The following SBF2 variants were observed in gnomAD, a reference collection of about 807,000 sequenced individuals.
SBF2 encodes myotubularin-related protein 13.
SBF2 carries 112 observed loss-of-function variants against 225.2 expected under a neutral mutation model. The observed-to-expected ratio is 0.50, with a 90% CI of 0.43 to 0.58. The LOEUF is 0.58. Ranked by LOEUF, SBF2 falls within the 20% of genes least tolerant of loss-of-function variation. The probability of loss-of-function intolerance (pLI) is 0.00; values close to 1 mark genes in which losing one functional copy is unlikely to be tolerated. For missense variants in SBF2, 1,996 were observed against 2,206.2 expected, an observed-to-expected ratio of 0.90 and a Z score of 1.91; for synonymous variants, 763 against 773.3, an observed-to-expected ratio of 0.99 and a Z score of 0.22.
intron 1 of SBF2, among the ~76,000 whole-genome samples, chr11:10,207,980 T>G (rs566917978): frequency 2.6e-5 from 4 of 152,184 alleles, no homozygotes; most frequent in African/African-American, 9.6e-5. Flanking sequence ...ACAGAAATCA[T>G]CTAAAATATA....
At chr11:9,975,313 GAAA>G (rs1481824038) in intron 13 of SBF2, among the ~76,000 whole-genome samples, 2 of 152,166 alleles carry the variant, frequency 1.3e-5, no homozygotes, top group African/African-American at 2.4e-5. Context: ...TTACCACTCA[GAAA>G]AAGGAATAAA....
chr11:9,876,468 C>A (rs1859248863), intron 17 of SBF2, among the ~76,000 whole-genome samples: 2 of 151,980 alleles, frequency 1.3e-5, no homozygotes, highest in Admixed American at 6.6e-5. Context: ...AGGGTGAGGC[C>A]CTGATCCAAC....
chr11:10,240,008 C>T (rs936983157), intron 1 of SBF2, among the ~76,000 whole-genome samples: 1 of 152,014 alleles, frequency 6.6e-6, no homozygotes, highest in Non-Finnish European at 1.5e-5. Flanking sequence ...TGGAGGTGCC[C>T]TTTAGTAACT....
intron 2 of SBF2, among the ~76,000 whole-genome samples, chr11:10,174,993 A>C (rs1480036019): frequency 7.2e-5 from 11 of 152,032 alleles, no homozygotes; most frequent in South Asian, 2.1e-4. Flanking sequence ...GCCTGCCCTA[A>C]AAGAGCTCCT....
chr11:10,114,435 T>C (rs1290158469), intron 2 of SBF2, among the ~76,000 whole-genome samples: 1 of 152,236 alleles, frequency 6.6e-6, no homozygotes, highest in Non-Finnish European at 1.5e-5. Flanking sequence ...CTTCTCATTC[T>C]GTCTTCCATG....
At chr11:9,854,408 A>G (rs563193525) in intron 19 of SBF2, among the ~76,000 whole-genome samples, 49 of 152,232 alleles carry the variant, frequency 3.2e-4, no homozygotes, top group African/African-American at 1.2e-3. Context: ...TCAACCCATC[A>G]GACTCTGGGA....
chr11:10,060,526 T>C (rs1387123675), intron 2 of SBF2, among the ~76,000 whole-genome samples: 1 of 152,114 alleles, frequency 6.6e-6, no homozygotes, highest in African/African-American at 2.4e-5. Flanking sequence ...TCTTAACTCA[T>C]TCTAGGAGGC....
chr11:10,293,174 A>G (rs920755262), intron 1 of SBF2, among the ~76,000 whole-genome samples: 3 of 151,448 alleles, frequency 2.0e-5, no homozygotes, highest in African/African-American at 7.2e-5. Flanking sequence ...TTAGCTACAT[A>G]GTAATACAAG....
chr11:10,289,526 C>G (rs1964027387), intron 1 of SBF2, among the ~76,000 whole-genome samples: 1 of 152,116 alleles, frequency 6.6e-6, no homozygotes, highest in Non-Finnish European at 1.5e-5. Context: ...TCTACGAGCT[C>G]CCCCTCACCC....
intron 2 of SBF2, 63 bp from the exon 3 acceptor site, chr11:10,043,044 G>C: frequency 6.6e-7 from 1 of 1,519,218 alleles, no homozygotes; most frequent in South Asian, 1.2e-5. Flanking sequence ...ATTAATCTCT[G>C]AGAAATTTTA....
intron 2 of SBF2, among the ~76,000 whole-genome samples, chr11:10,135,905 C>T (rs61878652): frequency 0.1 from 15,701 of 152,094 alleles, 983 homozygotes; most frequent in Non-Finnish European, 0.12. Context: ...TTTACTGCAG[C>T]GCCCCACTCT....
intron 1 of SBF2, among the ~76,000 whole-genome samples, chr11:10,274,889 A>G (rs1325506494): frequency 6.6e-6 from 1 of 152,240 alleles, no homozygotes; most frequent in Non-Finnish European, 1.5e-5. Context: ...ATTTTTAACA[A>G]GTATGTATTA....
At chr11:9,958,653 G>C in intron 16 of SBF2, 1 of 279,282 alleles carries the variant, frequency 3.6e-6, no homozygotes, top group South Asian at 4.1e-5. Context: ...CATCCTTTCA[G>C]TTACAATTAG....
intron 16 of SBF2, among the ~76,000 whole-genome samples, chr11:9,924,902 T>C (rs887578221): frequency 1.3e-5 from 2 of 151,654 alleles, no homozygotes; most frequent in East Asian, 3.9e-4. Context: ...GTGTACACCA[T>C]CATGTCCAGC....
rs564169541 is a variant in SBF2 at position 10,230,054 on chromosome 11, T to C, written c.56-36067A>G. Among the ~76,000 whole-genome samples, 4 of 152,314 alleles carry C rather than the reference T, an allele frequency of 2.6e-5. No individual in the cohort carries two copies. In the East Asian group the frequency reaches 7.7e-4, roughly 29 times the overall value. The stretch of plus-strand genomic sequence containing the variant: ...AGCTCTTCTTGTTGAATTGATCCCT[T>C]TACCATTATGTAATGGCCTTCTTTG... On this transcript the variant is annotated intron_variant, in intron 1 of 39. Coordinates refer to ENST00000256190, the MANE Select transcript of SBF2 (RefSeq NM_030962.4).
chr11:9,796,980 C>T (rs543945875), intron 32 of SBF2, among the ~76,000 whole-genome samples: 10 of 152,186 alleles, frequency 6.6e-5, no homozygotes, highest in Admixed American at 1.3e-4. Context: ...CCTAGTCTGC[C>T]TCGCAATCTC....
upstream of SBF2, among the ~76,000 whole-genome samples, chr11:10,298,646 G>T (rs1031199615): frequency 2.0e-4 from 31 of 152,182 alleles, no homozygotes; most frequent in African/African-American, 7.5e-4. Flanking sequence ...AGGAGACTAT[G>T]CAGCTGTGGT....
At chr11:9,814,324 G>C (rs1854346861) in intron 29 of SBF2, among the ~76,000 whole-genome samples, 1 of 152,118 alleles carries the variant, frequency 6.6e-6, no homozygotes. Context: ...TCTGGAGATT[G>C]GTTGCACAGC....
chr11:9,839,471 C>G (rs771698877), intron 26 of SBF2, 27 bp downstream of exon 26: 9 of 1,608,278 alleles, frequency 5.6e-6, no homozygotes, highest in South Asian at 1.1e-5. Flanking sequence ...AGGAAGACCT[C>G]TTTTTGGAGC....
Sources: gnomAD v4.1 joint callset for allele counts (sites outside exome capture counted in the v4.1 genomes callset) on GRCh38, gnomAD v4.1.1 for gene constraint, MANE v1.5 for transcripts, NCBI Gene and HGNC (gene_info 2026-07-23, HGNC 2026-07-21) for gene names.